FSTL5: variants seen among roughly 807,000 people sequenced by gnomAD.
The protein encoded by FSTL5 is follistatin like 5, also known as follistatin-related protein 5.
A neutral mutation model predicts 89.1 loss-of-function variants in FSTL5; 62 were observed. The ratio of observed to expected loss-of-function variants is 0.70; its 90% CI spans 0.57 to 0.86. The LOEUF is 0.86. Among genes scored for constraint, FSTL5 ranks in the 40% least tolerant of loss-of-function variants. The pLI, the probability that FSTL5 is intolerant of heterozygous loss-of-function variation, is 0.00. For synonymous variants in FSTL5, 383 were observed against 346.2 expected (o/e 1.11, Z -1.18); for missense variants, 1,057 against 1,001.6 (o/e 1.06, Z -0.75).
chr4:161,812,004 G>A (rs1730164394), intron 4 of FSTL5, among the ~76,000 whole-genome samples: 2 of 151,960 alleles, frequency 1.3e-5, no homozygotes, highest in Admixed American at 1.3e-4. Flanking sequence ...GACAATAATG[G>A]CTGGGAAATA....
At chr4:161,791,206 G>A (rs1305116349) in intron 4 of FSTL5, among the ~76,000 whole-genome samples, 1 of 148,594 alleles carries the variant, frequency 6.7e-6, no homozygotes, top group African/African-American at 2.5e-5. Context: ...CACCATAGAA[G>A]AAAAAAAAAA....
chr4:162,034,455 A>G (rs1737656437), intron 2 of FSTL5, among the ~76,000 whole-genome samples: 1 of 152,142 alleles, frequency 6.6e-6, no homozygotes, highest in Non-Finnish European at 1.5e-5. Flanking sequence ...CTTTAAGGCT[A>G]AAGTTGACAA....
intron 3 of FSTL5, among the ~76,000 whole-genome samples, chr4:161,938,411 T>G (rs560785174): frequency 1.6e-4 from 25 of 152,124 alleles, no homozygotes; most frequent in Non-Finnish European, 3.4e-4. Flanking sequence ...GTTTTATAGA[T>G]GTATGCCATT....
At chr4:162,077,863 A>G (rs1050520564) in intron 2 of FSTL5, among the ~76,000 whole-genome samples, 1 of 151,790 alleles carries the variant, frequency 6.6e-6, no homozygotes, top group Admixed American at 6.6e-5. Flanking sequence ...ATATATTGCA[A>G]TATATTAAAC....
At chr4:161,551,519 C>T (rs1315556439) in intron 8 of FSTL5, among the ~76,000 whole-genome samples, 3 of 151,886 alleles carry the variant, frequency 2.0e-5, no homozygotes, top group Non-Finnish European at 4.4e-5. Context: ...AAAGAGCCCG[C>T]ATTGCCAAGT....
intron 7 of FSTL5, among the ~76,000 whole-genome samples, chr4:161,644,600 T>G (rs544869904): frequency 7.1e-4 from 107 of 151,624 alleles, no homozygotes; most frequent in African/African-American, 2.2e-3. Flanking sequence ...GAACTTGCAG[T>G]AAAGTGTGAA....
intron 15 of FSTL5, among the ~76,000 whole-genome samples, chr4:161,435,915 A>G (rs1030609639): frequency 2.6e-5 from 4 of 152,078 alleles, no homozygotes; most frequent in African/African-American, 9.7e-5. Flanking sequence ...AACTTTTTTT[A>G]AAGTTTATTT....
intron 6 of FSTL5, among the ~76,000 whole-genome samples, chr4:161,732,985 A>G (rs1056699956): frequency 1.3e-5 from 2 of 150,506 alleles, no homozygotes; most frequent in Admixed American, 6.6e-5. Flanking sequence ...CTTTATTTCC[A>G]TGTAATTTTA....
intron 7 of FSTL5, among the ~76,000 whole-genome samples, chr4:161,600,198 C>G (rs1241502766): frequency 6.8e-6 from 1 of 146,222 alleles, no homozygotes; most frequent in East Asian, 2.0e-4. Context: ...CACACACACA[C>G]AAACAGTATG....
At chr4:162,001,319 C>CCTAT (rs141828612) in intron 3 of FSTL5, among the ~76,000 whole-genome samples, 7,377 of 152,036 alleles carry the variant, frequency 0.049, 489 homozygotes, top group African/African-American at 0.15. Flanking sequence ...TATCTATCCT[C>CCTAT]CTATCTATCT....
chr4:161,787,580 T>C (rs1741949707), intron 4 of FSTL5, among the ~76,000 whole-genome samples: 1 of 152,124 alleles, frequency 6.6e-6, no homozygotes, highest in Non-Finnish European at 1.5e-5. Flanking sequence ...CGGGAAAGTA[T>C]ATAACTATTG....
chr4:161,875,329 G>A (rs755847693), intron 4 of FSTL5, among the ~76,000 whole-genome samples: 13 of 152,110 alleles, frequency 8.5e-5, no homozygotes, highest in Non-Finnish European at 2.9e-5. Flanking sequence ...GCTGATTGCG[G>A]GTAGAGTCTT....
intron 3 of FSTL5, among the ~76,000 whole-genome samples, chr4:161,949,327 A>G (rs1281344366): frequency 6.6e-6 from 1 of 152,166 alleles, no homozygotes. Flanking sequence ...TCCTTCAGTC[A>G]TGTAAGAATT....
At chr4:161,580,413 A>G (rs987762133) in intron 8 of FSTL5, among the ~76,000 whole-genome samples, 6 of 152,216 alleles carry the variant, frequency 3.9e-5, no homozygotes, top group East Asian at 1.9e-4. Flanking sequence ...CAGCTCTGAG[A>G]AAAGACCCTA....
At position 162,133,809 on chromosome 4, in the gene FSTL5, T is replaced by C. The variant is rs144173053; in HGVS notation, c.-16-22397A>G. ...AAAGCAGCTTTATAATGATAAAGGA[T>C]AGAGATCTTAGCATACATTTAGAGA... On this transcript the variant is annotated intron_variant, in intron 1 of 15. Coordinates refer to ENST00000306100, the MANE Select transcript of FSTL5 (RefSeq NM_020116.5). Among the ~76,000 whole-genome samples, 78 of 152,368 alleles carry C rather than the reference T, an allele frequency of 5.1e-4. 1 individual carries two copies. The East Asian group carries it at 0.011, about 22-fold the overall frequency.
chr4:161,537,470 T>A (rs372456971), intron 10 of FSTL5, among the ~76,000 whole-genome samples: 1 of 152,156 alleles, frequency 6.6e-6, no homozygotes, highest in Admixed American at 6.6e-5. Flanking sequence ...TAATAGTAGT[T>A]TGAGTTCCAA....
At chr4:161,916,566 C>A (rs113087802) in intron 4 of FSTL5, among the ~76,000 whole-genome samples, 1 of 152,018 alleles carries the variant, frequency 6.6e-6, no homozygotes, top group African/African-American at 2.4e-5. Flanking sequence ...AAGTATCTGA[C>A]GCCAATAAAC....
intron 6 of FSTL5, among the ~76,000 whole-genome samples, chr4:161,736,634 A>G (rs1739826459): frequency 6.6e-6 from 1 of 152,126 alleles, no homozygotes; most frequent in African/African-American, 2.4e-5. Context: ...TCCGGTATGT[A>G]GCTTGGGAAC....
intron 7 of FSTL5, among the ~76,000 whole-genome samples, chr4:161,651,262 GA>G (rs1274612996): frequency 6.7e-6 from 1 of 148,220 alleles, no homozygotes; most frequent in Non-Finnish European, 1.5e-5. Flanking sequence ...AGATTTTTTA[GA>G]ACAGGGATTA....
Sources: gnomAD v4.1 joint callset for allele counts (sites outside exome capture counted in the v4.1 genomes callset) on GRCh38, gnomAD v4.1.1 for gene constraint, MANE v1.5 for transcripts, NCBI Gene and HGNC (gene_info 2026-07-23, HGNC 2026-07-21) for gene names.